Variants in KLF13 observed in about 807,000 individuals in gnomAD.
KLF13 encodes the protein Krueppel-like factor 13.
A neutral mutation model predicts 16.7 loss-of-function variants in KLF13; 8 were observed. That is an observed-to-expected ratio of 0.48 (90% CI 0.28 to 0.87). KLF13 has a LOEUF of 0.87. Among genes scored for constraint, KLF13 ranks in the 40% least tolerant of loss-of-function variants. The pLI is 0.10. For synonymous variants in KLF13, 245 were observed against 208.4 expected (o/e 1.18, Z -1.51); for missense variants, 447 against 452.2 (o/e 0.99, Z 0.10).
intron 2 of KLF13, among the ~76,000 whole-genome samples, chr15:31,398,208 A>G (rs768038231): frequency 6.6e-6 from 1 of 152,132 alleles, no homozygotes; most frequent in Non-Finnish European, 1.5e-5. Context: ...GTTTTCAGAG[A>G]TTCTCCAACC....
chr15:31,410,272 C>A (rs2040176017), intron 1 of KLF13, among the ~76,000 whole-genome samples: 1 of 150,988 alleles, frequency 6.6e-6, no homozygotes, highest in South Asian at 2.1e-4. Flanking sequence ...TAATGGGGAT[C>A]AAATTGAACA....
At chr15:31,410,967 T>C (rs2040186974) in intron 1 of KLF13, among the ~76,000 whole-genome samples, 1 of 152,122 alleles carries the variant, frequency 6.6e-6, no homozygotes, top group African/African-American at 2.4e-5. Context: ...TGATCAAAAC[T>C]CACTGAAGAA....
At chr15:31,327,913 C>A in intron 1 of KLF13, 124 bp downstream of exon 1, 1 of 1,082,256 alleles carries the variant, frequency 9.2e-7, no homozygotes, top group Non-Finnish European at 1.1e-6. Context: ...CGCCCGGGGC[C>A]TCGCCCCTTC....
chr15:31,383,976 T>A (rs2039764627), intron 1 of KLF13, among the ~76,000 whole-genome samples: 2 of 152,168 alleles, frequency 1.3e-5, no homozygotes, highest in African/African-American at 4.8e-5. Flanking sequence ...TGTCCAGGAA[T>A]AGGAGATTAA....
chr15:31,330,725 A>G (rs767392321), intron 1 of KLF13, among the ~76,000 whole-genome samples: 15 of 152,226 alleles, frequency 9.9e-5, no homozygotes, highest in Non-Finnish European at 1.8e-4. Context: ...CTGTGGACAC[A>G]TTGGTCTCTG....
intron 1 of KLF13, among the ~76,000 whole-genome samples, chr15:31,347,711 G>T (rs2140944799): frequency 6.6e-6 from 1 of 152,322 alleles, no homozygotes; most frequent in African/African-American, 2.4e-5. Context: ...GGGCCCAAAG[G>T]CTCCCATCCT....
chr15:31,329,030 T>C (rs1048585074), intron 1 of KLF13, among the ~76,000 whole-genome samples: 4 of 152,182 alleles, frequency 2.6e-5, no homozygotes, highest in Non-Finnish European at 5.9e-5. Flanking sequence ...CCCTTTTTTT[T>C]ACCATTTGGA....
In KLF13 at chr15:31,372,443, TA is replaced by T. The variant is rs977215422; in HGVS notation, c.*151del. 6.2e-6 allele frequency: 6 copies of T among 962,628 alleles called. No individual in the cohort carries two copies. Among genetic ancestry groups the T allele is most frequent in the African/African-American group, 1.7e-5 (1 of 58,302 alleles). The allele number at this position is 962,628 out of a possible 1,614,324, so 59.6% of individuals were successfully genotyped here. A position where few individuals can be genotyped will look rare whatever the true frequency, so the allele number is the denominator to read the frequency against. ...ACCTCAGGTGTCAAAGTAAATTTGT[TA>T]AAAAAACAAAAAAAACACAAAAATT... On this transcript the variant is annotated 3_prime_UTR_variant, in exon 2 of 2. Transcript: ENST00000307145.
chr15:31,407,665 T>G (rs569738351), downstream of KLF13, among the ~76,000 whole-genome samples: 11 of 152,282 alleles, frequency 7.2e-5, no homozygotes, highest in African/African-American at 2.4e-4. Flanking sequence ...AAATAAAGAC[T>G]TCCCCAAACT....
chr15:31,388,786 A>C (rs1051490399), upstream of KLF13, among the ~76,000 whole-genome samples: 2 of 136,572 alleles, frequency 1.5e-5, no homozygotes, highest in Admixed American at 7.4e-5. Flanking sequence ...AAAAAAAAAA[A>C]CTAATGATAA....
chr15:31,351,841 T>C (rs1406614259), intron 1 of KLF13, among the ~76,000 whole-genome samples: 1 of 152,144 alleles, frequency 6.6e-6, no homozygotes, highest in Non-Finnish European at 1.5e-5. Flanking sequence ...GGTGAAACAC[T>C]GTCTCTACTA....
chr15:31,423,159 A>ACATATACGTATG (rs1422259078), intron 1 of KLF13, among the ~76,000 whole-genome samples: 1 of 118,732 alleles, frequency 8.4e-6, no homozygotes, highest in African/African-American at 4.8e-5. Flanking sequence ...ATATACGTAT[A>ACATATACGTATG]TATATGTATA....
At chr15:31,433,669 G>A (rs1050449026) in intron 1 of KLF13, among the ~76,000 whole-genome samples, 3 of 151,796 alleles carry the variant, frequency 2.0e-5, no homozygotes, top group African/African-American at 7.3e-5. Context: ...ACCTTTGTGG[G>A]CCCCAGGGAA....
intron 1 of KLF13, among the ~76,000 whole-genome samples, chr15:31,427,601 G>A (rs2040415149): frequency 6.6e-6 from 1 of 152,188 alleles, no homozygotes; most frequent in African/African-American, 2.4e-5. Flanking sequence ...AGCAAGTGTG[G>A]TATACACATA....
chr15:31,368,797 A>G (rs1162748760), intron 1 of KLF13, among the ~76,000 whole-genome samples: 1 of 152,164 alleles, frequency 6.6e-6, no homozygotes, highest in Admixed American at 6.5e-5. Context: ...GGCTGCAGTG[A>G]CAGAGCAAGA....
chr15:31,341,558 G>T (rs2039022783), intron 1 of KLF13, among the ~76,000 whole-genome samples: 1 of 140,908 alleles, frequency 7.1e-6, no homozygotes, highest in African/African-American at 2.7e-5. Context: ...TTTTTTTGAG[G>T]CTGGGTCTCA....
chr15:31,354,527 C>A (rs769445857), intron 1 of KLF13, among the ~76,000 whole-genome samples: 4 of 152,138 alleles, frequency 2.6e-5, no homozygotes, highest in Non-Finnish European at 5.9e-5. Context: ...ATTACAGGCA[C>A]CCACCACCAC....
chr15:31,423,598 C>T (rs2141010990), intron 1 of KLF13, among the ~76,000 whole-genome samples: 1 of 152,178 alleles, frequency 6.6e-6, no homozygotes, highest in African/African-American at 2.4e-5. Flanking sequence ...TGCCATTGCA[C>T]TCCAGCCTGG....
intron 1 of KLF13, among the ~76,000 whole-genome samples, chr15:31,337,715 A>G (rs916816859): frequency 3.9e-5 from 6 of 152,190 alleles, no homozygotes; most frequent in African/African-American, 1.4e-4. Flanking sequence ...GTATCTAAAT[A>G]TAGAAAAAGG....
Sources: gnomAD v4.1 joint callset for allele counts (sites outside exome capture counted in the v4.1 genomes callset) on GRCh38, gnomAD v4.1.1 for gene constraint, MANE v1.5 for transcripts, NCBI Gene and HGNC (gene_info 2026-07-23, HGNC 2026-07-21) for gene names.